EBF2: variants seen among roughly 807,000 people sequenced by gnomAD.
EBF2 encodes EBF transcription factor 2, also known as transcription factor COE2.
Under a neutral mutation model 72.8 loss-of-function variants are expected in EBF2, and 21 were observed. That is an observed-to-expected ratio of 0.29 (90% CI 0.20 to 0.42). EBF2 has a LOEUF of 0.42. EBF2 is among the 10% of genes least tolerant of loss of function. The pLI, the probability that EBF2 is intolerant of heterozygous loss-of-function variation, is 1.00. For missense variants in EBF2, 637 were observed against 731.2 expected (o/e 0.87, Z 1.49); for synonymous variants, 299 against 274.2 (o/e 1.09, Z -0.89).
At chr8:26,043,194 C>G (rs1402718449) in intron 1 of EBF2, among the ~76,000 whole-genome samples, 1 of 152,260 alleles carries the variant, frequency 6.6e-6, no homozygotes, top group African/African-American at 2.4e-5. Context: ...CACAGCCCAC[C>G]TGGCCATCAG....
chr8:25,967,977 C>A (rs180887627), intron 6 of EBF2, among the ~76,000 whole-genome samples: 4 of 152,160 alleles, frequency 2.6e-5, no homozygotes, highest in African/African-American at 9.7e-5. Flanking sequence ...ACAATATGTA[C>A]TCAAGAGTTT....
At chr8:25,850,893 T>G (rs1585256683) in intron 14 of EBF2, 132 bp from the exon 15 acceptor site, 1 of 973,718 alleles carries the variant, frequency 1.0e-6, no homozygotes, top group East Asian at 3.2e-5. Context: ...AAAAAAAAAG[T>G]TGAATGTGAC....
chr8:26,014,591 T>C (rs1353502118), intron 6 of EBF2, among the ~76,000 whole-genome samples: 2 of 152,230 alleles, frequency 1.3e-5, no homozygotes, highest in African/African-American at 2.4e-5. Flanking sequence ...GTTTCGATTT[T>C]GCTTAACATT....
intron 10 of EBF2, among the ~76,000 whole-genome samples, chr8:25,874,989 A>G (rs1027486366): frequency 7.3e-5 from 11 of 150,074 alleles, no homozygotes; most frequent in African/African-American, 2.7e-4. Flanking sequence ...CCTGGCTTCT[A>G]CCTTTTAATA....
intron 6 of EBF2, among the ~76,000 whole-genome samples, chr8:25,915,451 T>C (rs1443610479): frequency 5.9e-5 from 9 of 152,136 alleles, no homozygotes; most frequent in Non-Finnish European, 1.2e-4. Flanking sequence ...ATGTCTACCA[T>C]TCCTATCAGG....
At chr8:25,850,919 T>A (rs2117247712) in intron 14 of EBF2, among the ~76,000 whole-genome samples, 158 bp from the exon 15 acceptor site, 1 of 151,972 alleles carries the variant, frequency 6.6e-6, no homozygotes, top group African/African-American at 2.4e-5. Context: ...TCCCACCATG[T>A]CCAGTGGGAG....
At chr8:25,981,702 A>G (rs1294648606) in intron 6 of EBF2, among the ~76,000 whole-genome samples, 1 of 151,834 alleles carries the variant, frequency 6.6e-6, no homozygotes, top group Non-Finnish European at 1.5e-5. Flanking sequence ...AGGCTGAGGC[A>G]GGAGAATCAC....
At position 26,042,078 on chromosome 8, in the gene EBF2, G is replaced by A; in HGVS notation, c.288+17C>T. The A allele has an allele frequency of 6.2e-7, 1 of 1,612,426 alleles. No homozygotes were observed. The highest frequency in any genetic ancestry group is 8.5e-7 in the Non-Finnish European group (1 of 1,178,768). On this transcript the variant is annotated intron_variant, in intron 2 of 15. Coordinates refer to ENST00000520164, the MANE Select transcript of EBF2 (RefSeq NM_022659.4). ...GAGTTATTAGGCCGCGGGGTTTGGG[G>A]GGTACTTTCCGCTTACTTTGTCATT...
chr8:25,903,973 G>C (rs1288776927), intron 7 of EBF2, among the ~76,000 whole-genome samples: 3 of 152,292 alleles, frequency 2.0e-5, no homozygotes, highest in South Asian at 2.1e-4. Context: ...CAGGAACAGA[G>C]AGCATTTGAA....
intron 6 of EBF2, among the ~76,000 whole-genome samples, chr8:25,971,601 T>C (rs1563196459): frequency 1.3e-5 from 2 of 152,168 alleles, no homozygotes; most frequent in Non-Finnish European, 2.9e-5. Flanking sequence ...GTTGGTATTT[T>C]AAATCACTCA....
At chr8:25,893,935 A>G (rs1345597207) in intron 7 of EBF2, among the ~76,000 whole-genome samples, 1 of 152,198 alleles carries the variant, frequency 6.6e-6, no homozygotes, top group African/African-American at 2.4e-5. Flanking sequence ...ACAGCTAGGG[A>G]ATTAACCTGA....
intron 6 of EBF2, among the ~76,000 whole-genome samples, chr8:25,994,265 GCC>G (rs1292789532): frequency 1.3e-5 from 2 of 152,004 alleles, no homozygotes; most frequent in Non-Finnish European, 2.9e-5. Context: ...GGATATAGTA[GCC>G]AAATTTATTA....
At chr8:25,867,814 G>T (rs1802360339) in intron 10 of EBF2, among the ~76,000 whole-genome samples, 1 of 152,090 alleles carries the variant, frequency 6.6e-6, no homozygotes. Context: ...TCTGTGAATT[G>T]TACCATCATC....
intron 6 of EBF2, among the ~76,000 whole-genome samples, chr8:25,949,614 A>G (rs1563410689): frequency 6.6e-6 from 1 of 152,198 alleles, no homozygotes; most frequent in South Asian, 2.1e-4. Flanking sequence ...AAGAAGGGCA[A>G]TAAAAGAAGA....
intron 2 of EBF2, among the ~76,000 whole-genome samples, chr8:26,041,754 T>C (rs1022680222): frequency 2.0e-5 from 3 of 152,120 alleles, no homozygotes; most frequent in African/African-American, 4.8e-5. Context: ...AGGTGCAAAA[T>C]AATTAAAATT....
At chr8:25,921,867 C>T (rs1477425055) in intron 6 of EBF2, among the ~76,000 whole-genome samples, 3 of 152,186 alleles carry the variant, frequency 2.0e-5, no homozygotes, top group African/African-American at 7.2e-5. Context: ...GACCTGAGCA[C>T]GCTCCCATTG....
intron 6 of EBF2, among the ~76,000 whole-genome samples, chr8:25,949,466 T>C (rs1373491168): frequency 6.6e-6 from 1 of 152,170 alleles, no homozygotes; most frequent in Non-Finnish European, 1.5e-5. Flanking sequence ...CTAATTGGGC[T>C]AGATAAAAAG....
At chr8:25,978,730 C>A (rs915806342) in intron 6 of EBF2, among the ~76,000 whole-genome samples, 4 of 152,212 alleles carry the variant, frequency 2.6e-5, no homozygotes, top group African/African-American at 7.2e-5. Flanking sequence ...AACCAAGGCG[C>A]CTTCCTCCGG....
chr8:26,008,464 G>T (rs1023482019), intron 6 of EBF2, among the ~76,000 whole-genome samples: 2 of 152,146 alleles, frequency 1.3e-5, no homozygotes, highest in African/African-American at 4.8e-5. Flanking sequence ...TCAGCCTAGT[G>T]TAGTGGTGCC....
Sources: allele counts gnomAD v4.1 joint callset (sites outside exome capture counted in the v4.1 genomes callset), GRCh38; gene constraint gnomAD v4.1.1; transcripts MANE v1.5; gene names NCBI Gene and HGNC (gene_info 2026-07-23, HGNC 2026-07-21).